The following DCAF1 variants were observed in gnomAD, a reference collection of about 807,000 sequenced individuals.
DCAF1 encodes DDB1- and CUL4-associated factor 1.
DCAF1 carries 15 observed loss-of-function variants against 128.0 expected under a neutral mutation model. That is an observed-to-expected ratio of 0.12 (90% confidence interval 0.08 to 0.18). DCAF1 has a LOEUF of 0.18. Ranked by LOEUF, DCAF1 falls within the 10% of genes least tolerant of loss-of-function variation. The probability of loss-of-function intolerance (pLI) is 1.00; values close to 1 mark genes in which losing one functional copy is unlikely to be tolerated. For synonymous variants in DCAF1, 610 were observed against 603.0 expected (o/e 1.01, Z -0.17); for missense variants, 988 against 1,649.5 (o/e 0.60, Z 6.95).
At chr3:51,406,343 A>AG (rs1491131078) in intron 23 of DCAF1, among the ~76,000 whole-genome samples, 2 of 74,316 alleles carry the variant, frequency 2.7e-5, no homozygotes, top group Admixed American at 3.3e-4. Context: ...ACTCTGTCTC[A>AG]AAAAAAAAAA....
intron 2 of DCAF1, among the ~76,000 whole-genome samples, chr3:51,490,921 C>CT (rs1553657689): frequency 6.6e-6 from 1 of 151,180 alleles, no homozygotes; most frequent in African/African-American, 2.4e-5. Context: ...GAGAGAGACT[C>CT]TGTCTCAAAA....
chr3:51,471,921 G>C (rs1704803839), intron 3 of DCAF1, among the ~76,000 whole-genome samples: 1 of 151,622 alleles, frequency 6.6e-6, no homozygotes, highest in Non-Finnish European at 1.5e-5. Flanking sequence ...ATTTCTGTTA[G>C]CTCTACTACA....
chr3:51,480,512 T>C (rs898226514), intron 3 of DCAF1, among the ~76,000 whole-genome samples: 5 of 151,294 alleles, frequency 3.3e-5, no homozygotes, highest in East Asian at 1.9e-4. Context: ...GGCAGGAGAA[T>C]TGCTTGAAGC....
chr3:51,488,528 T>C (rs1200441295), intron 2 of DCAF1, among the ~76,000 whole-genome samples: 1 of 151,814 alleles, frequency 6.6e-6, no homozygotes, highest in African/African-American at 2.4e-5. Flanking sequence ...ATACAAAAAT[T>C]AGGCCTGGCA....
rs138401005 is a variant in DCAF1, at chr3:51,486,042, C to T, written c.-8-2206G>A. Among the ~76,000 whole-genome samples, 1,424 of 152,090 alleles carry T rather than the reference C, an allele frequency of 9.4e-3. 25 individuals carry two copies. The highest frequency in any genetic ancestry group is 0.032 in the African/African-American group (1,310 of 41,530). On this transcript the variant is annotated intron_variant, in intron 2 of 24. Coordinates refer to ENST00000684031, the MANE Select transcript of DCAF1 (RefSeq NM_001387579.1). ...AAGTAGCTGGGACTACATGCTTGTA[C>T]CACCACGCCAGCAAATTTTTTGTAT...
chr3:51,485,953 G>T (rs190823101), intron 2 of DCAF1, among the ~76,000 whole-genome samples: 2 of 149,298 alleles, frequency 1.3e-5, no homozygotes, highest in Admixed American at 1.4e-4. Flanking sequence ...GCGCAGTGGC[G>T]CCATCTCGGC....
intron 5 of DCAF1, 112 bp downstream of exon 5, chr3:51,466,691 T>C (rs889455459): frequency 5.0e-5 from 51 of 1,010,986 alleles, no homozygotes; most frequent in Middle Eastern, 4.8e-4. Flanking sequence ...CAAAAAACTC[T>C]ACTCCCAACT....
At position 51,416,779 on chromosome 3, in the gene DCAF1, G is replaced by A; in HGVS notation, c.3603+8C>T. On this transcript the variant is annotated splice_region_variant and intron_variant, in intron 18 of 24. Transcript: ENST00000684031. ...TCAGCTTGAAAACAGTGGTTCTTAA[G>A]TACTTACGTGGGCAATGTCTCCTTT... 1.2e-6 allele frequency: 2 copies of A among 1,606,556 alleles called. No individual in the cohort carries two copies. Among genetic ancestry groups the A allele is most frequent in the Non-Finnish European group, 1.7e-6 (2 of 1,176,220 alleles).
intron 6 of DCAF1, among the ~76,000 whole-genome samples, chr3:51,449,119 T>C (rs1702135834): frequency 6.6e-6 from 1 of 152,158 alleles, no homozygotes; most frequent in Non-Finnish European, 1.5e-5. Flanking sequence ...CGAGGGAAAT[T>C]AGAAAGTCAC....
chr3:51,502,878 G>A (rs1708852631), upstream of DCAF1, among the ~76,000 whole-genome samples: 1 of 152,158 alleles, frequency 6.6e-6, no homozygotes, highest in South Asian at 2.1e-4. Context: ...TTTCCCAACT[G>A]CACACGCATT....
upstream of DCAF1, among the ~76,000 whole-genome samples, chr3:51,500,954 T>G (rs1388576347): frequency 1.3e-5 from 2 of 152,028 alleles, no homozygotes; most frequent in Non-Finnish European, 2.9e-5. Context: ...TAGCCGGGGC[T>G]ACAGGTGTGC....
intron 3 of DCAF1, among the ~76,000 whole-genome samples, chr3:51,473,200 C>A (rs140805050): frequency 6.7e-6 from 1 of 149,778 alleles, no homozygotes; most frequent in East Asian, 2.0e-4. Context: ...CGCTTGAACC[C>A]AGGAGGCGGA....
chr3:51,455,663 C>T (rs1355025772), intron 6 of DCAF1, among the ~76,000 whole-genome samples: 1 of 152,042 alleles, frequency 6.6e-6, no homozygotes, highest in Non-Finnish European at 1.5e-5. Flanking sequence ...CTTTGGGAGG[C>T]TGAGGCAGGC....
At chr3:51,463,981 A>G (rs1032975732) in intron 5 of DCAF1, among the ~76,000 whole-genome samples, 1 of 151,678 alleles carries the variant, frequency 6.6e-6, no homozygotes, top group Non-Finnish European at 1.5e-5. Flanking sequence ...CAGCCTCCCA[A>G]GTAGCTGGGA....
chr3:51,450,529 A>G (rs4687811), intron 6 of DCAF1, among the ~76,000 whole-genome samples: 10,281 of 152,286 alleles, frequency 0.068, 913 homozygotes, highest in East Asian at 0.33. Context: ...TGAAAAAACA[A>G]TAAACTAGAT....
In DCAF1 at chr3:51,414,825, C is replaced by A; in HGVS notation, c.3636G>T (p.Leu1212Phe). The A allele has an allele frequency of 6.2e-7, 1 of 1,613,936 alleles. No individual in the cohort carries two copies. The highest frequency in any genetic ancestry group is 1.1e-5 in the South Asian group (1 of 91,064). ...IYDIQTGNKLLTLFNPDLANN... is the reference protein window; with the variant it reads ...IYDIQTGNKLFTLFNPDLANN... ...TGGCAAGATCTGGGTTAAACAGAGT[C>A]AACAGCTTGTTGCCAGTCTGAATAT... Residue 1212 changes from leucine (L) to phenylalanine (F), a missense_variant, in exon 19 of 25, where the codon TTG (leucine) becomes TTT (phenylalanine). Physicochemically the swap from Leu to Phe is conservative, Grantham distance 22. Around this residue, in one of 11 missense-constraint regions of DCAF1, gnomAD observed 61 missense variants for 78.3 expected, o/e 0.78. Coordinates refer to ENST00000684031, the MANE Select transcript of DCAF1 (RefSeq NM_001387579.1).
chr3:51,413,506 T>C (rs1000164994), intron 20 of DCAF1, 120 bp from the exon 21 acceptor site: 2 of 1,438,352 alleles, frequency 1.4e-6, no homozygotes, highest in Admixed American at 4.9e-5. Context: ...TACATACAAA[T>C]TCCCTTGTAC....
intron 1 of DCAF1, among the ~76,000 whole-genome samples, chr3:51,497,570 G>A (rs904533305): frequency 6.7e-6 from 1 of 149,616 alleles, no homozygotes; most frequent in South Asian, 2.1e-4. Context: ...CTGGGCAACA[G>A]AGCAAGACTC....
At chr3:51,412,759 G>A (rs782761958) in intron 22 of DCAF1, among the ~76,000 whole-genome samples, 8 of 152,090 alleles carry the variant, frequency 5.3e-5, no homozygotes, top group Non-Finnish European at 1.2e-4. Flanking sequence ...GACAGTGTGA[G>A]TCCAGAAAAA....
Sources: allele counts gnomAD v4.1 joint callset (sites outside exome capture counted in the v4.1 genomes callset), GRCh38; gene constraint gnomAD v4.1.1; regional missense constraint gnomAD v4.1.1; transcripts MANE v1.5; gene names NCBI Gene and HGNC (gene_info 2026-07-23, HGNC 2026-07-21).